TANGO6: variants seen among roughly 807,000 people sequenced by gnomAD.
TANGO6 encodes transport and golgi organization 6 homolog, also known as transport and Golgi organization protein 6 homolog.
A neutral mutation model predicts 114.2 loss-of-function variants in TANGO6; 90 were observed. The observed-to-expected ratio is 0.79, with a 90% CI of 0.66 to 0.94. TANGO6 has a LOEUF of 0.94. Ranked by LOEUF, TANGO6 falls within the 40% of genes least tolerant of loss-of-function variation. TANGO6 has a pLI of 0.00. For missense variants in TANGO6, 1,274 were observed against 1,315.3 expected (o/e 0.97, Z 0.49); for synonymous variants, 477 against 509.8 (o/e 0.94, Z 0.87).
intron 3 of TANGO6, among the ~76,000 whole-genome samples, chr16:68,865,283 A>AG (rs1433559885): frequency 6.6e-6 from 1 of 152,056 alleles, no homozygotes; most frequent in Admixed American, 6.6e-5. Context: ...CTCAAAAAAA[A>AG]AAAAAAAAAA....
At chr16:68,906,551 T>C (rs2152184483) in intron 9 of TANGO6, among the ~76,000 whole-genome samples, 1 of 152,246 alleles carries the variant, frequency 6.6e-6, no homozygotes, top group East Asian at 1.9e-4. Flanking sequence ...GCAGAAGTAA[T>C]AGTAATTCTC....
chr16:68,937,864 C>T (rs1344617245), intron 14 of TANGO6: 1 of 152,124 alleles, frequency 6.6e-6, no homozygotes. Flanking sequence ...TCCCCGTAGA[C>T]TTGGCTATTA....
chr16:68,928,663 C>T lies in TANGO6; in HGVS notation c.2643+580C>T, dbSNP rs16958493. 4.7e-3 allele frequency among the ~76,000 whole-genome samples: 720 copies of T among 152,164 alleles called. 7 individuals are homozygous for T. Among genetic ancestry groups the T allele is most frequent in the African/African-American group, 0.017 (688 of 41,528 alleles). Reference sequence around the variant, plus strand: ...AGGAAAAAGAGAAAGTTGAAATCTTCTGGAGGATGTAGGCCTTAATATGGC... The same window carrying T: ...AGGAAAAAGAGAAAGTTGAAATCTTTTGGAGGATGTAGGCCTTAATATGGC... On this transcript the variant is annotated intron_variant, in intron 13 of 17. Transcript: ENST00000261778.
chr16:69,056,779 T>C (rs987746220), intron 17 of TANGO6, among the ~76,000 whole-genome samples: 3 of 152,112 alleles, frequency 2.0e-5, no homozygotes, highest in Non-Finnish European at 4.4e-5. Flanking sequence ...TCATTAGCAA[T>C]GCAAGTTACC....
At chr16:69,017,493 C>T (rs1959320014) in intron 15 of TANGO6, among the ~76,000 whole-genome samples, 1 of 152,060 alleles carries the variant, frequency 6.6e-6, no homozygotes, top group Admixed American at 6.6e-5. Context: ...TCCAAACTTC[C>T]TTCATTTTTT....
Position 68,919,172 on chromosome 16 carries a change from A to G in TANGO6, c.2080A>G (p.Ser694Gly). The G allele has an allele frequency of 6.2e-7, 1 of 1,612,846 alleles. No homozygotes were observed. Among genetic ancestry groups the G allele is most frequent in the Non-Finnish European group, 8.5e-7 (1 of 1,179,542 alleles). Residue 694 changes from serine to glycine, a missense_variant, in exon 12 of 18, where the codon AGC becomes GGC. This residue lies in a region of TANGO6 where 908 missense variants were observed against 910.2 expected (regional missense o/e 1.00). Coordinates refer to ENST00000261778, the MANE Select transcript of TANGO6 (RefSeq NM_024562.2). ...AESTVESQTLSMSMGLVAVML... is the reference protein window; with the variant it reads ...AESTVESQTLGMSMGLVAVML... ...GAGCACCGTGGAATCACAGACGCTGAGCATGTCCATGGGGCTGGTGGCTGT... is the reference window on the plus strand; with the variant it reads ...GAGCACCGTGGAATCACAGACGCTGGGCATGTCCATGGGGCTGGTGGCTGT...
At chr16:68,951,859 G>A (rs1263723083) in intron 14 of TANGO6, among the ~76,000 whole-genome samples, 4 of 152,026 alleles carry the variant, frequency 2.6e-5, no homozygotes, top group Admixed American at 6.6e-5. Flanking sequence ...TGATCCACCC[G>A]CCTCGGCCTC....
At chr16:68,920,964 A>G (rs1036909657) in intron 12 of TANGO6, among the ~76,000 whole-genome samples, 9 of 150,982 alleles carry the variant, frequency 6.0e-5, no homozygotes, top group Non-Finnish European at 1.3e-4. Flanking sequence ...ATACAAAAAA[A>G]AGGTGGCGGG....
intron 15 of TANGO6, among the ~76,000 whole-genome samples, chr16:69,004,868 C>T (rs913549948): frequency 6.6e-5 from 10 of 152,058 alleles, no homozygotes; most frequent in African/African-American, 1.2e-4. Context: ...CCTCCTGCAT[C>T]GAAACATTAA....
At chr16:69,048,478 A>G (rs1196901818) in intron 17 of TANGO6, among the ~76,000 whole-genome samples, 1 of 151,922 alleles carries the variant, frequency 6.6e-6, no homozygotes, top group Non-Finnish European at 1.5e-5. Context: ...ATCAGAGCTC[A>G]CTGCAGCCTG....
At chr16:69,058,977 G>A (rs1960075599) in intron 17 of TANGO6, among the ~76,000 whole-genome samples, 1 of 150,518 alleles carries the variant, frequency 6.6e-6, no homozygotes, top group Admixed American at 6.7e-5. Context: ...CTGCGATCTC[G>A]GCTCACTGCA....
chr16:69,057,664 T>G (rs1236758968), intron 17 of TANGO6, among the ~76,000 whole-genome samples: 1 of 152,126 alleles, frequency 6.6e-6, no homozygotes, highest in African/African-American at 2.4e-5. Context: ...GAAGGCTGCT[T>G]CCAATCCCAG....
In TANGO6 at chr16:68,927,938, G is replaced by T. The variant is rs771703262; in HGVS notation, c.2498G>T (p.Ser833Ile). 7 of 1,613,910 alleles carry T rather than the reference G, an allele frequency of 4.3e-6. No individual in the cohort carries two copies. The African/African-American group carries it at 9.3e-5, about 22-fold the overall frequency. ...ACTACTACAAGTCAGAAATCTGGAAGCGTAACCACAGAACAGCTCCAAGAG... is the reference window on the plus strand; with the variant it reads ...ACTACTACAAGTCAGAAATCTGGAATCGTAACCACAGAACAGCTCCAAGAG... The part of the protein sequence containing the change: ...PSTTTSQKSG[S>I]VTTEQLQEVL... The change falls in exon 13 of 18, where the codon AGC (serine) becomes ATC (isoleucine). Residue 833 changes from serine to isoleucine, a missense_variant. Physicochemically the swap from Ser to Ile is moderately radical, Grantham distance 142. Coordinates refer to ENST00000261778, the MANE Select transcript of TANGO6 (RefSeq NM_024562.2).
At chr16:69,061,561 A>G (rs1960116119) in intron 17 of TANGO6, among the ~76,000 whole-genome samples, 1 of 151,916 alleles carries the variant, frequency 6.6e-6, no homozygotes. Flanking sequence ...TCAAAAACAA[A>G]AAAGTCATCT....
intron 14 of TANGO6, among the ~76,000 whole-genome samples, chr16:68,931,109 G>A (rs1183226672): frequency 6.6e-6 from 1 of 152,176 alleles, no homozygotes; most frequent in Admixed American, 6.5e-5. Context: ...AGAGGATGTA[G>A]AGAATAAGGC....
chr16:68,928,137 A>G lies in TANGO6; in HGVS notation c.2643+54A>G, dbSNP rs558374300. On this transcript the variant is annotated intron_variant, in intron 13 of 17. Coordinates refer to ENST00000261778, the MANE Select transcript of TANGO6 (RefSeq NM_024562.2). Reference sequence around the variant, plus strand: ...GGGCACAGGGTGGGGCATTCATTCAACTCAAGTATTTTTGGAGCCTGGACT... The same window carrying G: ...GGGCACAGGGTGGGGCATTCATTCAGCTCAAGTATTTTTGGAGCCTGGACT... 5.3e-5 allele frequency: 78 copies of G among 1,480,156 alleles called. No homozygotes were observed. The African/African-American group carries it at 1.0e-3, about 20-fold the overall frequency. 91.7% of individuals were successfully genotyped at this position (1,480,156 alleles called of 1,614,324 possible). A position where few individuals can be genotyped will look rare whatever the true frequency, so the allele number is the denominator to read the frequency against.
In TANGO6 at chr16:68,865,241, A is replaced by G. The variant is rs1446373691; in HGVS notation, c.853-1838A>G. ...CAGTGAGCCCAGATCGCGCCACTGC[A>G]CTCCAGCCTGGGCTACTGAGCGAGA... On this transcript the variant is annotated intron_variant, in intron 3 of 17. Coordinates refer to ENST00000261778, the MANE Select transcript of TANGO6 (RefSeq NM_024562.2). Among the ~76,000 whole-genome samples the G allele has an allele frequency of 2.0e-5, 3 of 146,776 alleles. No homozygotes were observed. In the East Asian group the frequency reaches 6.1e-4, roughly 30 times the overall value.
At chr16:68,846,079 G>A (rs1389927197) in intron 1 of TANGO6, among the ~76,000 whole-genome samples, 3 of 152,072 alleles carry the variant, frequency 2.0e-5, no homozygotes, top group Non-Finnish European at 4.4e-5. Flanking sequence ...AGGCTGGAGT[G>A]CAGTGGCGCA....
intron 3 of TANGO6, among the ~76,000 whole-genome samples, chr16:68,865,275 CAA>C (rs60365346): frequency 1.0e-4 from 7 of 70,228 alleles, no homozygotes; most frequent in Admixed American, 1.6e-4. Context: ...GACTCCGTCT[CAA>C]AAAAAAAAAA....
Sources: gnomAD v4.1 joint callset for allele counts (sites outside exome capture counted in the v4.1 genomes callset) on GRCh38, gnomAD v4.1.1 for gene constraint, gnomAD v4.1.1 regional missense constraint, MANE v1.5 for transcripts, NCBI Gene and HGNC (gene_info 2026-07-23, HGNC 2026-07-21) for gene names.